MAD1L1: variants seen among roughly 807,000 people sequenced by gnomAD.
MAD1L1 encodes the protein mitotic arrest deficient 1 like 1.
MAD1L1 carries 95 observed loss-of-function variants against 96.9 expected under a neutral mutation model. The observed-to-expected ratio is 0.98, with a 90% CI of 0.83 to 1.16. The LOEUF is 1.16. Ranked by LOEUF, MAD1L1 falls within the 50% of genes most tolerant of loss-of-function variation. MAD1L1 has a pLI of 0.00. For missense variants in MAD1L1, 1,007 were observed against 954.4 expected, an observed-to-expected ratio of 1.06 and a Z score of -0.73; for synonymous variants, 473 against 396.6, an observed-to-expected ratio of 1.19 and a Z score of -2.29.
intron 11 of MAD1L1, among the ~76,000 whole-genome samples, chr7:2,077,253 G>T (rs1250109417): frequency 1.3e-5 from 2 of 152,220 alleles, no homozygotes; most frequent in African/African-American, 4.8e-5. Flanking sequence ...TAATAAAATT[G>T]TATTCGAACC....
At chr7:1,987,314 ACAGT>A (rs1463400271) in intron 14 of MAD1L1, among the ~76,000 whole-genome samples, 1 of 152,244 alleles carries the variant, frequency 6.6e-6, no homozygotes, top group African/African-American at 2.4e-5. Context: ...AACCTGGCAC[ACAGT>A]CGGTGCTTGG....
At chr7:1,858,938 AC>A (rs1784387319) in intron 18 of MAD1L1, among the ~76,000 whole-genome samples, 1 of 152,198 alleles carries the variant, frequency 6.6e-6, no homozygotes, top group African/African-American at 2.4e-5. Context: ...CACCTGGACC[AC>A]CACGCCTTTC....
chr7:2,140,689 T>A (rs953563370), intron 11 of MAD1L1, among the ~76,000 whole-genome samples: 4 of 152,074 alleles, frequency 2.6e-5, no homozygotes, highest in African/African-American at 9.7e-5. Context: ...ATGCCCAACC[T>A]CGGCTGGAAA....
At chr7:2,022,361 T>G (rs1185304714) in intron 12 of MAD1L1, among the ~76,000 whole-genome samples, 1 of 152,230 alleles carries the variant, frequency 6.6e-6, no homozygotes, top group African/African-American at 2.4e-5. Flanking sequence ...ATTCTGTGCT[T>G]GGCTCATGCC....
At chr7:1,972,903 C>T (rs1250569172) in intron 15 of MAD1L1, among the ~76,000 whole-genome samples, 1 of 152,184 alleles carries the variant, frequency 6.6e-6, no homozygotes, top group Non-Finnish European at 1.5e-5. Context: ...GAGACCTCCT[C>T]CCCCACACGG....
intron 15 of MAD1L1, 56 bp downstream of exon 15, chr7:1,980,397 G>C (rs549124204): frequency 1.2e-5 from 18 of 1,457,928 alleles, no homozygotes; most frequent in Middle Eastern, 1.8e-4. Context: ...GGGCGTATCC[G>C]CCTCCTCTCT....
intron 10 of MAD1L1, among the ~76,000 whole-genome samples, chr7:2,179,415 C>T (rs1399791927): frequency 6.6e-6 from 1 of 151,878 alleles, no homozygotes; most frequent in African/African-American, 2.4e-5. Flanking sequence ...GTAATCCCAG[C>T]CACTCAGGAG....
chr7:2,221,451 G>A (rs1051893252), intron 5 of MAD1L1, among the ~76,000 whole-genome samples: 114 of 152,044 alleles, frequency 7.5e-4, no homozygotes, highest in African/African-American at 2.6e-3. Flanking sequence ...GGAAGGACCC[G>A]CGGCCAGTTT....
At chr7:2,080,200 C>T (rs11981054) in intron 11 of MAD1L1, among the ~76,000 whole-genome samples, 53 of 152,358 alleles carry the variant, frequency 3.5e-4, no homozygotes, top group African/African-American at 1.2e-3. Flanking sequence ...TGGAACAAAG[C>T]CACTCCCATT....
At chr7:1,938,840 GCACACA>G (rs72439038) in intron 16 of MAD1L1, among the ~76,000 whole-genome samples, 49 of 91,004 alleles carry the variant, frequency 5.4e-4, no homozygotes, top group Admixed American at 1.2e-3. Context: ...GGGGCCAGAG[GCACACA>G]CACACACACA....
intron 13 of MAD1L1, among the ~76,000 whole-genome samples, chr7:2,012,696 C>A (rs983003218): frequency 6.6e-6 from 1 of 152,216 alleles, no homozygotes; most frequent in African/African-American, 2.4e-5. Context: ...TCTTGTCAAG[C>A]GTGGTGGTGG....
Position 2,209,590 on chromosome 7 carries a change from C to A in MAD1L1, c.986+3622G>T, listed in dbSNP as rs73041352. ...AGCAAGTCCCATGGTGGGAGAGCAGCGGTCCACTAGGCCAGAGAGACCCAA... is the reference window on the plus strand; with the variant it reads ...AGCAAGTCCCATGGTGGGAGAGCAGAGGTCCACTAGGCCAGAGAGACCCAA... On this transcript the variant is annotated intron_variant, in intron 10 of 18. Coordinates refer to ENST00000265854, the MANE Select transcript of MAD1L1 (RefSeq NM_001013836.2). Among the ~76,000 whole-genome samples, 4 of 152,326 alleles carry A rather than the reference C, an allele frequency of 2.6e-5. No homozygotes were observed. The South Asian group carries it at 8.3e-4, about 32-fold the overall frequency.
chr7:2,137,870 C>T (rs1364824985), intron 11 of MAD1L1, among the ~76,000 whole-genome samples: 5 of 152,196 alleles, frequency 3.3e-5, no homozygotes, highest in African/African-American at 4.8e-5. Flanking sequence ...GGCAACTACA[C>T]GAGGACACGA....
rs138128358 is a variant in MAD1L1, at chr7:2,162,912, C to T, written c.987-13674G>A. On this transcript the variant is annotated intron_variant, in intron 10 of 18. Coordinates refer to ENST00000265854, the MANE Select transcript of MAD1L1 (RefSeq NM_001013836.2). ...TGCATGAACCATGTCCACGACACAC[C>T]GCTCATGATTGTTAGCTTTGTTTCT... Among the ~76,000 whole-genome samples, 531 of 151,594 alleles carry T rather than the reference C, an allele frequency of 3.5e-3. 4 individuals carry two copies. The highest frequency in any genetic ancestry group is 0.012 in the African/African-American group (499 of 41,284).
chr7:1,850,487 C>T lies in MAD1L1; in HGVS notation c.1999-34259G>A, dbSNP rs1039456681. The stretch of plus-strand genomic sequence containing the variant: ...CCTCTAGTGGGTCCAGGTGGGGGTA[C>T]CCCAAGTTCCTGCAGGGCTCCAGAC... On this transcript the variant is annotated intron_variant, in intron 18 of 18. Coordinates refer to ENST00000265854, the MANE Select transcript of MAD1L1 (RefSeq NM_001013836.2). 2.0e-5 allele frequency among the ~76,000 whole-genome samples: 3 copies of T among 152,320 alleles called. No individual in the cohort carries two copies. In the East Asian group the frequency reaches 5.8e-4, roughly 29 times the overall value.
At chr7:1,949,934 G>A (rs7799855) in intron 16 of MAD1L1, among the ~76,000 whole-genome samples, 131,023 of 152,234 alleles carry the variant, frequency 0.86, 57,708 homozygotes, top group Non-Finnish European at 0.96. Context: ...CCCAGGTCCC[G>A]CCTTTGAGTT....
chr7:1,839,633 C>T (rs558524543), intron 18 of MAD1L1, among the ~76,000 whole-genome samples: 3 of 152,292 alleles, frequency 2.0e-5, no homozygotes, highest in South Asian at 2.1e-4. Flanking sequence ...TTTAAACGCG[C>T]GAGATGGGAT....
At chr7:2,214,714 G>C (rs1401172482) in intron 9 of MAD1L1, among the ~76,000 whole-genome samples, 2 of 152,204 alleles carry the variant, frequency 1.3e-5, no homozygotes, top group East Asian at 3.9e-4. Context: ...GGGCAAGAGA[G>C]GGAGCTTCTC....
intron 13 of MAD1L1, among the ~76,000 whole-genome samples, chr7:2,013,898 G>A (rs1416894288): frequency 6.6e-6 from 1 of 152,204 alleles, no homozygotes; most frequent in Non-Finnish European, 1.5e-5. Context: ...GCTAGACAAG[G>A]GCACGGAGCG....
Sources: allele counts gnomAD v4.1 joint callset (sites outside exome capture counted in the v4.1 genomes callset), GRCh38; gene constraint gnomAD v4.1.1; transcripts MANE v1.5; gene names NCBI Gene and HGNC (gene_info 2026-07-23, HGNC 2026-07-21).